Variants in ADAMDEC1 observed in about 807,000 individuals in gnomAD.
ADAMDEC1 encodes the protein ADAM DEC1.
ADAMDEC1 carries 62 observed loss-of-function variants against 60.4 expected under a neutral mutation model. That is an observed-to-expected ratio of 1.03 (90% CI 0.84 to 1.27). The LOEUF is 1.27. ADAMDEC1 is among the 50% of genes most tolerant of loss of function. ADAMDEC1 has a pLI of 0.00. For missense variants in ADAMDEC1, 595 were observed against 565.0 expected (o/e 1.05, Z -0.54); for synonymous variants, 210 against 195.1 (o/e 1.08, Z -0.64).
chr8:24,388,584 T>G (rs185490744), intron 1 of ADAMDEC1, among the ~76,000 whole-genome samples: 110 of 152,288 alleles, frequency 7.2e-4, no homozygotes, highest in African/African-American at 2.4e-3. Context: ...CCTCCTCTTC[T>G]CAATTTCCTA....
At chr8:24,398,840 A>G in intron 8 of ADAMDEC1, 34 bp from the exon 9 acceptor site, 1 of 1,603,758 alleles carries the variant, frequency 6.2e-7, no homozygotes, top group Non-Finnish European at 8.5e-7. Context: ...AGGAATCCTG[A>G]ACATTTTTAT....
chr8:24,386,199 T>G (rs1273199563), intron 1 of ADAMDEC1, among the ~76,000 whole-genome samples: 1 of 152,188 alleles, frequency 6.6e-6, no homozygotes, highest in African/African-American at 2.4e-5. Context: ...AGCTATTATT[T>G]TGGAAGATAT....
chr8:24,394,908 CTCAAG>C (rs2129359713), intron 4 of ADAMDEC1, among the ~76,000 whole-genome samples: 1 of 152,316 alleles, frequency 6.6e-6, no homozygotes, highest in Non-Finnish European at 1.5e-5. Context: ...GAGGAATCTT[CTCAAG>C]TCTTCTATGA....
intron 1 of ADAMDEC1, among the ~76,000 whole-genome samples, chr8:24,386,116 T>C (rs1185745693): frequency 2.0e-5 from 3 of 152,150 alleles, no homozygotes; most frequent in Admixed American, 1.3e-4. Context: ...ATGATGCCCA[T>C]AGTGCCCAAG....
chr8:24,388,900 T>C (rs1185436199), intron 1 of ADAMDEC1, among the ~76,000 whole-genome samples: 2 of 152,170 alleles, frequency 1.3e-5, no homozygotes, highest in African/African-American at 2.4e-5. Flanking sequence ...AGAGAAGCCA[T>C]GTCTATGTCC....
chr8:24,401,834 G>A, intron 11 of ADAMDEC1, 81 bp from the exon 12 acceptor site: 2 of 1,215,524 alleles, frequency 1.6e-6, no homozygotes, highest in Non-Finnish European at 2.3e-6. Context: ...AGAGTCTCGT[G>A]TTTCTTTATC....
intron 12 of ADAMDEC1, among the ~76,000 whole-genome samples, chr8:24,402,394 A>T (rs1039043133): frequency 6.6e-6 from 1 of 152,180 alleles, no homozygotes; most frequent in Non-Finnish European, 1.5e-5. Context: ...ATAATGTCAC[A>T]GTTGATCATC....
Position 24,405,497 on chromosome 8 carries a change from T to C in ADAMDEC1, c.*199T>C. 2.0e-6 allele frequency: 1 copy of C among 503,850 alleles called. No homozygotes were observed. The highest frequency in any genetic ancestry group is 3.9e-5 in the Admixed American group (1 of 25,348). 31.2% of individuals were successfully genotyped at this position (503,850 alleles called of 1,614,324 possible). On this transcript the variant is annotated 3_prime_UTR_variant, in exon 14 of 14. Transcript: ENST00000256412. The stretch of plus-strand genomic sequence containing the variant: ...CTCTTTGTTTAGGCCTAATCTTTCT[T>C]TTTACTTTTTTTTTTCTTTTTTCTT...
At chr8:24,393,945 T>C in intron 3 of ADAMDEC1, 124 bp from the exon 4 acceptor site, 1 of 521,416 alleles carries the variant, frequency 1.9e-6, no homozygotes, top group Middle Eastern at 3.5e-4. Flanking sequence ...TGGAAGAGGA[T>C]TAGTAGGTCA....
At chr8:24,390,330 T>C (rs1044255899) in intron 1 of ADAMDEC1, 5 of 426,882 alleles carry the variant, frequency 1.2e-5, no homozygotes, top group African/African-American at 1.0e-4. Flanking sequence ...AAGAGTATAA[T>C]ATTGACCCAA....
chr8:24,396,896 C>T (rs1395152239), intron 5 of ADAMDEC1, among the ~76,000 whole-genome samples: 2 of 152,152 alleles, frequency 1.3e-5, no homozygotes, highest in Non-Finnish European at 2.9e-5. Flanking sequence ...TTCATGTTCC[C>T]CTCTGGGGTT....
chr8:24,391,810 G>T (rs1817451606), intron 1 of ADAMDEC1, among the ~76,000 whole-genome samples: 1 of 152,002 alleles, frequency 6.6e-6, no homozygotes, highest in Non-Finnish European at 1.5e-5. Context: ...TATAATCAGG[G>T]GTTGTGCTTC....
At chr8:24,394,407 A>G (rs1456718357) in intron 4 of ADAMDEC1, among the ~76,000 whole-genome samples, 2 of 152,206 alleles carry the variant, frequency 1.3e-5, no homozygotes, top group Non-Finnish European at 2.9e-5. Context: ...GAAGCAACCA[A>G]AAGTCCACTT....
intron 4 of ADAMDEC1, 61 bp downstream of exon 4, chr8:24,394,208 T>C (rs1817547657): frequency 7.5e-7 from 1 of 1,339,970 alleles, no homozygotes; most frequent in East Asian, 2.3e-5. Flanking sequence ...TTTGTGCTAA[T>C]GTTAACTAAG....
intron 10 of ADAMDEC1, 22 bp from the exon 11 acceptor site, chr8:24,400,148 T>C: frequency 6.7e-7 from 1 of 1,501,858 alleles, no homozygotes; most frequent in African/African-American, 1.4e-5. Flanking sequence ...AAAGAATAAA[T>C]AAATATATCT....
rs576455369 is a variant in ADAMDEC1 at position 24,403,767 on chromosome 8, T to A, written c.1321-236T>A. Among the ~76,000 whole-genome samples, 4 of 152,316 alleles carry A rather than the reference T, an allele frequency of 2.6e-5. No individual in the cohort carries two copies. In the South Asian group the frequency reaches 6.2e-4, roughly 24 times the overall value. On this transcript the variant is annotated intron_variant, in intron 12 of 13. Transcript: ENST00000256412. The stretch of plus-strand genomic sequence containing the variant: ...ACATCATACATCTAGACAAAATTTA[T>A]TTTTGAAAAATTCTTGAATAATTCT...
At chr8:24,398,700 A>G in intron 8 of ADAMDEC1, 149 bp downstream of exon 8, 1 of 922,388 alleles carries the variant, frequency 1.1e-6, no homozygotes. Context: ...AAGCATCAAC[A>G]TCAAGGTGAA....
intron 5 of ADAMDEC1, among the ~76,000 whole-genome samples, chr8:24,396,279 G>A (rs1234163035): frequency 6.6e-6 from 1 of 152,186 alleles, no homozygotes; most frequent in Non-Finnish European, 1.5e-5. Context: ...GGGAGGGCGA[G>A]GCGGGCAGAT....
intron 7 of ADAMDEC1, 75 bp from the exon 8 acceptor site, chr8:24,398,405 G>A: frequency 1.2e-6 from 1 of 842,574 alleles, no homozygotes; most frequent in Non-Finnish European, 1.9e-6. Flanking sequence ...TTCTTAAAAT[G>A]TGAAATCTTG....
Sources: gnomAD v4.1 joint callset for allele counts (sites outside exome capture counted in the v4.1 genomes callset) on GRCh38, gnomAD v4.1.1 for gene constraint, MANE v1.5 for transcripts, NCBI Gene and HGNC (gene_info 2026-07-23, HGNC 2026-07-21) for gene names.